Variants in UBE2E2 observed in about 807,000 individuals in gnomAD.
The protein encoded by UBE2E2 is ubiquitin-conjugating enzyme E2 E2.
Under a neutral mutation model 24.7 loss-of-function variants are expected in UBE2E2, and 6 were observed. The observed-to-expected ratio is 0.24, with a 90% CI of 0.13 to 0.48. UBE2E2 has a LOEUF of 0.48. Among genes scored for constraint, UBE2E2 ranks in the 20% least tolerant of loss-of-function variants. UBE2E2 has a pLI of 0.99. For synonymous variants in UBE2E2, 104 were observed against 83.6 expected (o/e 1.24, Z -1.33); for missense variants, 169 against 245.0 (o/e 0.69, Z 2.07).
At chr3:23,269,511 C>T (rs2125361338) in intron 3 of UBE2E2, among the ~76,000 whole-genome samples, 1 of 152,222 alleles carries the variant, frequency 6.6e-6, no homozygotes, top group African/African-American at 2.4e-5. Context: ...TCACAGTCTG[C>T]CAGGAAATCA....
chr3:23,580,134 C>A (rs1007672008), intron 5 of UBE2E2, among the ~76,000 whole-genome samples: 1 of 152,180 alleles, frequency 6.6e-6, no homozygotes, highest in African/African-American at 2.4e-5. Flanking sequence ...GAAATGACAA[C>A]AAAGTTTTTA....
intron 4 of UBE2E2, among the ~76,000 whole-genome samples, chr3:23,519,105 A>G (rs979739239): frequency 6.6e-6 from 1 of 152,104 alleles, no homozygotes; most frequent in African/African-American, 2.4e-5. Flanking sequence ...TAAGACTCCA[A>G]TCTTATTTTC....
intron 3 of UBE2E2, among the ~76,000 whole-genome samples, chr3:23,332,718 T>TGTGTGTGTGTGCGC (rs1491331498): frequency 6.7e-5 from 10 of 148,258 alleles, no homozygotes; most frequent in African/African-American, 2.3e-4. Flanking sequence ...TGTGTGTGTG[T>TGTGTGTGTGTGCGC]GCAGCTATGG....
chr3:23,236,148 G>A (rs779450280), intron 3 of UBE2E2, among the ~76,000 whole-genome samples: 2 of 152,230 alleles, frequency 1.3e-5, no homozygotes, highest in East Asian at 3.9e-4. Context: ...AGGTTTCCAT[G>A]AAGTTGAGAG....
At chr3:23,424,659 A>C (rs772635143) in intron 3 of UBE2E2, among the ~76,000 whole-genome samples, 40 of 152,170 alleles carry the variant, frequency 2.6e-4, no homozygotes, top group Non-Finnish European at 4.9e-4. Context: ...ATTGTGTAAG[A>C]GGTTTGTAGT....
intron 3 of UBE2E2, among the ~76,000 whole-genome samples, chr3:23,350,571 G>A (rs529111095): frequency 8.5e-5 from 13 of 152,262 alleles, no homozygotes; most frequent in East Asian, 1.9e-4. Flanking sequence ...GCCAAGGCTC[G>A]GGAACTACGT....
At chr3:23,446,980 C>T (rs1365682731) in intron 3 of UBE2E2, among the ~76,000 whole-genome samples, 1 of 152,118 alleles carries the variant, frequency 6.6e-6, no homozygotes, top group African/African-American at 2.4e-5. Context: ...GTGCAGTTAT[C>T]CATGCAAAAC....
At chr3:23,370,452 C>G (rs924340502) in intron 3 of UBE2E2, among the ~76,000 whole-genome samples, 1 of 152,016 alleles carries the variant, frequency 6.6e-6, no homozygotes, top group African/African-American at 2.4e-5. Flanking sequence ...AAAGTAAACC[C>G]CATTATAGAA....
At chr3:23,347,479 C>T (rs184696412) in intron 3 of UBE2E2, among the ~76,000 whole-genome samples, 26 of 152,054 alleles carry the variant, frequency 1.7e-4, no homozygotes, top group Admixed American at 1.6e-3. Flanking sequence ...CACATGTTCT[C>T]ACTTATAAGT....
intron 3 of UBE2E2, among the ~76,000 whole-genome samples, chr3:23,424,438 TG>T (rs1465433040): frequency 7.2e-6 from 1 of 139,860 alleles, no homozygotes; most frequent in Non-Finnish European, 1.6e-5. Context: ...TAAACACCTT[TG>T]TTTTTTTTTT....
At chr3:23,574,653 G>T (rs1696305019) in intron 5 of UBE2E2, among the ~76,000 whole-genome samples, 1 of 152,150 alleles carries the variant, frequency 6.6e-6, no homozygotes, top group Admixed American at 6.5e-5. Context: ...GGAGTTTGAG[G>T]CTATAGTACA....
chr3:23,457,398 A>G (rs764538649), intron 3 of UBE2E2, among the ~76,000 whole-genome samples: 13 of 152,328 alleles, frequency 8.5e-5, no homozygotes, highest in South Asian at 6.2e-4. Flanking sequence ...AAACCCAGGG[A>G]CCCTAAGCTA....
chr3:23,292,117 C>G (rs1355610801), intron 3 of UBE2E2, among the ~76,000 whole-genome samples: 1 of 152,002 alleles, frequency 6.6e-6, no homozygotes, highest in Non-Finnish European at 1.5e-5. Context: ...CTTGGCCTCC[C>G]AAAGTGCTGA....
At chr3:23,499,324 A>G (rs1005722505) in intron 3 of UBE2E2, among the ~76,000 whole-genome samples, 1 of 152,166 alleles carries the variant, frequency 6.6e-6, no homozygotes, top group Non-Finnish European at 1.5e-5. Context: ...TTCATTAAAC[A>G]TTTGTGTTTC....
At chr3:23,350,635 AG>A (rs1695717211) in intron 3 of UBE2E2, among the ~76,000 whole-genome samples, 1 of 152,230 alleles carries the variant, frequency 6.6e-6, no homozygotes, top group South Asian at 2.1e-4. Flanking sequence ...AAAGGGTATC[AG>A]TGATGGAAGA....
rs146206930 is a variant in UBE2E2 at position 23,375,172 on chromosome 3, C to G, written c.228-124436C>G. Among the ~76,000 whole-genome samples, 22 of 152,174 alleles carry G rather than the reference C, an allele frequency of 1.4e-4. No individual in the cohort carries two copies. In the East Asian group the frequency reaches 4.2e-3, roughly 29 times the overall value. On this transcript the variant is annotated intron_variant, in intron 3 of 5. Transcript: ENST00000396703. ...ACTAGAGAAATGTGCAGTTGATTTA[C>G]AGGAATTTATTAGAAACTTTGCTCT...
chr3:23,524,762 A>AGAT (rs1441455501), intron 4 of UBE2E2, among the ~76,000 whole-genome samples: 1 of 152,094 alleles, frequency 6.6e-6, no homozygotes, highest in Non-Finnish European at 1.5e-5. Context: ...TTTTAAGGAG[A>AGAT]GATGATTCTG....
intron 3 of UBE2E2, among the ~76,000 whole-genome samples, chr3:23,294,573 A>G (rs1298606403): frequency 6.7e-6 from 1 of 148,436 alleles, no homozygotes; most frequent in Non-Finnish European, 1.5e-5. Context: ...TTATCTTTAG[A>G]TTTTTATCTT....
intron 3 of UBE2E2, among the ~76,000 whole-genome samples, chr3:23,342,763 G>A (rs1178760964): frequency 1.3e-5 from 2 of 152,144 alleles, no homozygotes; most frequent in African/African-American, 4.8e-5. Context: ...TTGATCAGGT[G>A]AATTTGATAG....
Sources: allele counts gnomAD v4.1 joint callset (sites outside exome capture counted in the v4.1 genomes callset), GRCh38; gene constraint gnomAD v4.1.1; transcripts MANE v1.5; gene names NCBI Gene and HGNC (gene_info 2026-07-23, HGNC 2026-07-21).